Variants in TLK1 observed in about 807,000 individuals in gnomAD.
TLK1 encodes the protein tousled like kinase 1, also known as serine/threonine-protein kinase tousled-like 1.
A neutral mutation model predicts 105.3 loss-of-function variants in TLK1; 24 were observed. That is an observed-to-expected ratio of 0.23 (90% CI 0.17 to 0.32). The LOEUF is 0.32. Ranked by LOEUF, TLK1 falls within the 10% of genes least tolerant of loss-of-function variation. TLK1 has a pLI of 1.00. For synonymous variants in TLK1, 321 were observed against 310.4 expected (o/e 1.03, Z -0.36); for missense variants, 558 against 910.5 (o/e 0.61, Z 4.98).
At chr2:171,193,700 ATTTTTTTTTT>A (rs35175399) in intron 1 of TLK1, among the ~76,000 whole-genome samples, 1,153 of 64,624 alleles carry the variant, frequency 0.018, 11 homozygotes, top group African/African-American at 0.041. Flanking sequence ...AGCGCCTGGC[ATTTTTTTTTT>A]TTTTTTTTTT....
At chr2:171,014,787 T>C in intron 13 of TLK1, 64 bp downstream of exon 13, 2 of 1,178,276 alleles carry the variant, frequency 1.7e-6, no homozygotes, top group Non-Finnish European at 2.5e-6. Flanking sequence ...ATTGTGTTTA[T>C]GCTCTATGGG....
chr2:171,112,221 A>C (rs1690208409), intron 2 of TLK1, among the ~76,000 whole-genome samples: 1 of 152,210 alleles, frequency 6.6e-6, no homozygotes, highest in African/African-American at 2.4e-5. Flanking sequence ...AAGTGCTGGG[A>C]TTACAGGTGT....
intron 1 of TLK1, among the ~76,000 whole-genome samples, chr2:171,202,090 A>G (rs1424382231): frequency 6.6e-6 from 1 of 152,244 alleles, no homozygotes; most frequent in Non-Finnish European, 1.5e-5. Context: ...CACACAGTTG[A>G]CAGATGAAAT....
chr2:171,151,324 A>G (rs1692025517), intron 1 of TLK1, among the ~76,000 whole-genome samples: 1 of 151,126 alleles, frequency 6.6e-6, no homozygotes, highest in Admixed American at 6.6e-5. Flanking sequence ...TGGCCCTTGG[A>G]TACATTACTT....
chr2:171,206,174 C>T (rs1693502869), intron 1 of TLK1, among the ~76,000 whole-genome samples: 2 of 152,170 alleles, frequency 1.3e-5, no homozygotes, highest in Admixed American at 6.5e-5. Flanking sequence ...ACTGATTCCT[C>T]AACTATGTAA....
chr2:170,995,994 G>A (rs114377865), intron 20 of TLK1, among the ~76,000 whole-genome samples: 2,602 of 151,610 alleles, frequency 0.017, 33 homozygotes, highest in Non-Finnish European at 0.029. Flanking sequence ...GAGCCACCGC[G>A]CATGGCCTAT....
chr2:171,068,375 T>A (rs369561457), intron 3 of TLK1, among the ~76,000 whole-genome samples: 1 of 152,170 alleles, frequency 6.6e-6, no homozygotes, highest in Non-Finnish European at 1.5e-5. Flanking sequence ...TCTCGCTTCA[T>A]TGTCCAGGCT....
chr2:171,148,133 G>A (rs536126725), intron 1 of TLK1, among the ~76,000 whole-genome samples: 3 of 152,074 alleles, frequency 2.0e-5, no homozygotes, highest in South Asian at 2.1e-4. Context: ...CTCATGATCC[G>A]CCCACCTCGG....
chr2:171,065,473 A>AT (rs1214605706), intron 3 of TLK1, among the ~76,000 whole-genome samples: 1 of 152,124 alleles, frequency 6.6e-6, no homozygotes, highest in Non-Finnish European at 1.5e-5. Flanking sequence ...GACAGAATGA[A>AT]TTTTTTTCTG....
At chr2:171,213,133 G>C (rs972833875) in intron 1 of TLK1, among the ~76,000 whole-genome samples, 2 of 151,704 alleles carry the variant, frequency 1.3e-5, no homozygotes, top group East Asian at 3.9e-4. Context: ...TTGCTAATGG[G>C]TGAATTCCAA....
At chr2:171,051,468 C>T (rs541048772) in intron 8 of TLK1, among the ~76,000 whole-genome samples, 2 of 152,168 alleles carry the variant, frequency 1.3e-5, no homozygotes, top group African/African-American at 4.8e-5. Context: ...TTCTCTGCTC[C>T]CATCCTCCCT....
chr2:171,072,389 G>A (rs902382451), intron 3 of TLK1, among the ~76,000 whole-genome samples: 3 of 152,170 alleles, frequency 2.0e-5, no homozygotes, highest in African/African-American at 4.8e-5. Context: ...CAAGGGGGGC[G>A]GATCACTTGA....
At chr2:171,070,168 A>G (rs1465663012) in intron 3 of TLK1, among the ~76,000 whole-genome samples, 1 of 152,032 alleles carries the variant, frequency 6.6e-6, no homozygotes, top group Admixed American at 6.5e-5. Context: ...ATCAGCTTAG[A>G]AGGTTCCTTT....
At chr2:171,018,886 A>G (rs1685334823) in intron 12 of TLK1, among the ~76,000 whole-genome samples, 1 of 152,258 alleles carries the variant, frequency 6.6e-6, no homozygotes, top group Admixed American at 6.5e-5. Flanking sequence ...TATTAAAGAG[A>G]GAGGTAAGTT....
chr2:171,178,827 G>C (rs1692878295), intron 1 of TLK1, among the ~76,000 whole-genome samples: 1 of 152,102 alleles, frequency 6.6e-6, no homozygotes, highest in Non-Finnish European at 1.5e-5. Flanking sequence ...TTCCTGGTTT[G>C]GGATATCAAT....
chr2:171,122,565 G>A (rs915671606), intron 1 of TLK1, among the ~76,000 whole-genome samples: 53 of 152,068 alleles, frequency 3.5e-4, no homozygotes, highest in Non-Finnish European at 5.6e-4. Context: ...TCTGTAAAGG[G>A]CCCAGTCACA....
At chr2:171,179,564 A>G (rs1228304448) in intron 1 of TLK1, among the ~76,000 whole-genome samples, 3 of 152,208 alleles carry the variant, frequency 2.0e-5, no homozygotes, top group African/African-American at 7.2e-5. Flanking sequence ...CGAAGAAGAG[A>G]AAAAGGAAGT....
chr2:171,166,018 A>T (rs1036647293), intron 1 of TLK1, among the ~76,000 whole-genome samples: 2 of 151,876 alleles, frequency 1.3e-5, no homozygotes, highest in African/African-American at 4.9e-5. Flanking sequence ...GATTATGTAC[A>T]TGGCTTCCCA....
chr2:171,043,532 C>G (rs1344201049), intron 11 of TLK1, among the ~76,000 whole-genome samples: 5 of 152,048 alleles, frequency 3.3e-5, no homozygotes, highest in Non-Finnish European at 7.4e-5. Flanking sequence ...AAAAATGACT[C>G]TACGACATGA....
Sources: allele counts gnomAD v4.1 joint callset (sites outside exome capture counted in the v4.1 genomes callset), GRCh38; gene constraint gnomAD v4.1.1; transcripts MANE v1.5; gene names NCBI Gene and HGNC (gene_info 2026-07-23, HGNC 2026-07-21).